Variants in CHRM2 observed in about 807,000 individuals in gnomAD.
The protein encoded by CHRM2 is muscarinic acetylcholine receptor M2.
CHRM2 carries 8 observed loss-of-function variants against 25.0 expected under a neutral mutation model. The ratio of observed to expected loss-of-function variants is 0.32; its 90% CI spans 0.19 to 0.58. The LOEUF is 0.58. Among genes scored for constraint, CHRM2 ranks in the 20% least tolerant of loss-of-function variants. The pLI is 0.88. For missense variants in CHRM2, 440 were observed against 567.1 expected, an observed-to-expected ratio of 0.78 and a Z score of 2.28; for synonymous variants, 202 against 205.7, an observed-to-expected ratio of 0.98 and a Z score of 0.15.
chr7:136,951,754 C>G (rs997894916), intron 2 of CHRM2, among the ~76,000 whole-genome samples: 4 of 152,280 alleles, frequency 2.6e-5, no homozygotes, highest in African/African-American at 9.6e-5. Context: ...ACTGTAAGCA[C>G]TGGATCACTT....
At chr7:136,934,297 T>A (rs1310352728) in intron 2 of CHRM2, among the ~76,000 whole-genome samples, 3 of 152,122 alleles carry the variant, frequency 2.0e-5, no homozygotes, top group African/African-American at 7.2e-5. Flanking sequence ...GGTAAGTCAG[T>A]CTCTTCCTGG....
chr7:137,009,627 C>T (rs142703033), intron 3 of CHRM2, among the ~76,000 whole-genome samples: 69 of 152,146 alleles, frequency 4.5e-4, no homozygotes, highest in African/African-American at 1.5e-3. Context: ...CTACATGACA[C>T]TGTTCCTCTG....
chr7:137,009,234 T>C (rs955550830), intron 3 of CHRM2, among the ~76,000 whole-genome samples: 4 of 152,096 alleles, frequency 2.6e-5, no homozygotes, highest in African/African-American at 9.7e-5. Flanking sequence ...TATCTAAATG[T>C]ATATCAGTTT....
At chr7:136,973,736 C>T (rs866622501) in intron 2 of CHRM2, among the ~76,000 whole-genome samples, 4 of 151,580 alleles carry the variant, frequency 2.6e-5, no homozygotes, top group South Asian at 2.1e-4. Context: ...GAATTGTTGT[C>T]GGTAATGATG....
intron 3 of CHRM2, among the ~76,000 whole-genome samples, chr7:137,000,067 C>T (rs2131057802): frequency 6.6e-6 from 1 of 152,130 alleles, no homozygotes; most frequent in Non-Finnish European, 1.5e-5. Flanking sequence ...ATTTTACAAA[C>T]TGTAAAGGTA....
At chr7:136,955,426 TTTCCCAA>T (rs1800667015) in intron 2 of CHRM2, among the ~76,000 whole-genome samples, 1 of 152,186 alleles carries the variant, frequency 6.6e-6, no homozygotes, top group East Asian at 1.9e-4. Flanking sequence ...CTCCTAATTA[TTTCCCAA>T]TGGTAAAGTG....
chr7:136,911,547 G>T (rs984132311), intron 2 of CHRM2, among the ~76,000 whole-genome samples: 4 of 151,850 alleles, frequency 2.6e-5, no homozygotes, highest in African/African-American at 9.7e-5. Context: ...TGGAACCTTG[G>T]GCTGTATCTT....
chr7:136,920,648 T>C (rs556908887), intron 2 of CHRM2, among the ~76,000 whole-genome samples: 3 of 152,268 alleles, frequency 2.0e-5, no homozygotes, highest in South Asian at 4.1e-4. Context: ...TAAACCATAT[T>C]TGCATGTTAA....
At chr7:136,927,286 T>A (rs1364409) in intron 2 of CHRM2, among the ~76,000 whole-genome samples, 100,052 of 151,946 alleles carry the variant, frequency 0.66, 33,573 homozygotes, top group African/African-American at 0.73. Flanking sequence ...AGAAACCTAA[T>A]CTTCTGGATT....
Position 137,011,226 on chromosome 7 carries a change from T to G in CHRM2, c.-46-3594T>G, listed in dbSNP as rs956947235. On this transcript the variant is annotated intron_variant, in intron 3 of 3. Transcript: ENST00000680005. ...GTGTGTGTGTGTGTGTATATATATATATATATATGGATTTATTAGGAAAAT... is the reference window on the plus strand; with the variant it reads ...GTGTGTGTGTGTGTGTATATATATAGATATATATGGATTTATTAGGAAAAT... Among the ~76,000 whole-genome samples the G allele has an allele frequency of 1.9e-4, 28 of 147,940 alleles. 1 individual carries two copies. The highest frequency in any genetic ancestry group is 1.9e-3 in the Admixed American group (28 of 14,888).
Position 136,929,097 on chromosome 7 carries a change from A to G in CHRM2, c.-125+59679A>G, listed in dbSNP as rs185838588. ...TCACGTGAAGGATTTTCCAGGATCA[A>G]TAGACAGATCTCTAGAACTTTTGGT... is the stretch of plus-strand genomic sequence containing the variant. On this transcript the variant is annotated intron_variant, in intron 2 of 3. Coordinates refer to ENST00000680005, the MANE Select transcript of CHRM2 (RefSeq NM_001006630.2). Among the ~76,000 whole-genome samples the G allele has an allele frequency of 2.0e-3, 300 of 152,262 alleles. 2 individuals are homozygous for G. Among genetic ancestry groups the G allele is most frequent in the African/African-American group, 6.9e-3 (287 of 41,522 alleles).
intron 3 of CHRM2, among the ~76,000 whole-genome samples, chr7:137,003,484 A>T (rs1456335345): frequency 1.0e-2 from 6 of 602 alleles, no homozygotes; most frequent in East Asian, 0.17. Context: ...ACACACACAC[A>T]CACACACACA....
At position 137,016,006 on chromosome 7, in the gene CHRM2, C is replaced by T; in HGVS notation, c.1141C>T (p.Arg381Trp). ...TGCAAAAAAGAAGCCTCCTCCTTCC[C>T]GGGAAAAGAAAGTCACCAGGACAAT... ...QPAKKKPPPS[R>W]EKKVTRTILA... is the part of the protein sequence containing the mutation. The change falls in exon 4 of 4, where the codon CGG becomes TGG. Residue 381 changes from arginine (R) to tryptophan (W), a missense_variant. Transcript: ENST00000680005. 2 of 1,613,002 alleles carry T rather than the reference C, an allele frequency of 1.2e-6. No individual in the cohort carries two copies. Among genetic ancestry groups the T allele is most frequent in the Non-Finnish European group, 1.7e-6 (2 of 1,179,418 alleles).
chr7:136,868,956 AT>A lies in CHRM2; in HGVS notation c.-317del, dbSNP rs1795702514. 6.6e-6 allele frequency: 1 copy of A among 152,296 alleles called. No individual in the cohort carries two copies. Among genetic ancestry groups the A allele is most frequent in the Non-Finnish European group, 1.5e-5 (1 of 68,136 alleles). The allele number at this position is 152,296 out of a possible 1,614,324, so 9.4% of individuals were successfully genotyped here. A position where few individuals can be genotyped will look rare whatever the true frequency, so the allele number is the denominator to read the frequency against. ...AGCTCGCCGAGGCATCCAGGTCTCC[AT>A]TCTATTTTGGTCTCCAGGCTCTTCG... On this transcript the variant is annotated 5_prime_UTR_variant, in exon 1 of 4. An upstream open reading frame in the 5' UTR loses its in-frame stop. Transcript: ENST00000680005.
At chr7:137,005,924 A>G (rs932637646) in intron 3 of CHRM2, among the ~76,000 whole-genome samples, 5 of 152,126 alleles carry the variant, frequency 3.3e-5, no homozygotes, top group African/African-American at 9.6e-5. Context: ...ACGGTAAGAG[A>G]GACAGATTGA....
intron 2 of CHRM2, among the ~76,000 whole-genome samples, chr7:136,894,449 GC>G (rs1796811243): frequency 2.6e-5 from 4 of 152,084 alleles, no homozygotes; most frequent in African/African-American, 9.7e-5. Context: ...TCGGCTCACT[GC>G]AACTTCTGCC....
chr7:136,956,487 G>C (rs1800732181), intron 2 of CHRM2, among the ~76,000 whole-genome samples: 1 of 152,122 alleles, frequency 6.6e-6, no homozygotes, highest in Non-Finnish European at 1.5e-5. Context: ...ATTGAAAATA[G>C]ACCTGGTTTT....
chr7:137,000,831 T>C (rs1248671880), intron 3 of CHRM2, among the ~76,000 whole-genome samples: 4 of 152,128 alleles, frequency 2.6e-5, no homozygotes, highest in South Asian at 4.2e-4. Flanking sequence ...CTTGTGTACT[T>C]TATTGAGTGA....
rs1013497470 is a variant in CHRM2 at position 137,019,941 on chromosome 7, T to A, written c.*3675T>A. The A allele has an allele frequency of 2.6e-5, 4 of 151,894 alleles. No individual in the cohort carries two copies. The highest frequency in any genetic ancestry group is 9.7e-5 in the African/African-American group (4 of 41,406). The allele number at this position is 151,894 out of a possible 1,614,324, so 9.4% of individuals were successfully genotyped here. A position where few individuals can be genotyped will look rare whatever the true frequency, so the allele number is the denominator to read the frequency against. ...TCTCCTACTTAGTTCATTGACAGTTTCCTCCTCGCCCCAGTTTGATAATAT... is the reference window on the plus strand; with the variant it reads ...TCTCCTACTTAGTTCATTGACAGTTACCTCCTCGCCCCAGTTTGATAATAT... On this transcript the variant is annotated 3_prime_UTR_variant, in exon 4 of 4. Coordinates refer to ENST00000680005, the MANE Select transcript of CHRM2 (RefSeq NM_001006630.2).
Sources: allele counts gnomAD v4.1 joint callset (sites outside exome capture counted in the v4.1 genomes callset), GRCh38; gene constraint gnomAD v4.1.1; transcripts MANE v1.5; gene names NCBI Gene and HGNC (gene_info 2026-07-23, HGNC 2026-07-21).